TENM3: variants seen among roughly 807,000 people sequenced by gnomAD.
TENM3 encodes the protein teneurin-3.
A neutral mutation model predicts 255.1 loss-of-function variants in TENM3; 63 were observed. The observed-to-expected ratio is 0.25, with a 90% confidence interval of 0.20 to 0.30. The LOEUF (loss-of-function observed/expected upper bound fraction) is 0.30, where lower values mean the gene tolerates loss of function less well. Among genes scored for constraint, TENM3 ranks in the 10% least tolerant of loss-of-function variants. The pLI is 1.00. For missense variants in TENM3, 2,929 were observed against 3,461.1 expected, an observed-to-expected ratio of 0.85 and a Z score of 3.86; for synonymous variants, 1,306 against 1,322.3, an observed-to-expected ratio of 0.99 and a Z score of 0.27.
At chr4:181,495,008 C>G in the TENM3 span, among the ~76,000 whole-genome samples, 1 of 152,046 alleles carries the variant, frequency 6.6e-6, no homozygotes, top group African/African-American at 2.4e-5. Flanking sequence ...AATACTATAC[C>G]CATATTTATC....
At chr4:182,272,241 C>T (rs1266470880) in intron 1 of TENM3, among the ~76,000 whole-genome samples, 1 of 152,138 alleles carries the variant, frequency 6.6e-6, no homozygotes, top group Non-Finnish European at 1.5e-5. Context: ...AATCTCAATC[C>T]TCCACACTGT....
the TENM3 span, among the ~76,000 whole-genome samples, chr4:182,104,088 G>A: frequency 6.6e-6 from 1 of 152,252 alleles, no homozygotes; most frequent in East Asian, 1.9e-4. Context: ...CCAGTGTGGT[G>A]GTGTAATATA....
At chr4:182,284,102 A>G (rs1486394687) in intron 1 of TENM3, among the ~76,000 whole-genome samples, 2 of 152,192 alleles carry the variant, frequency 1.3e-5, no homozygotes, top group Non-Finnish European at 2.9e-5. Flanking sequence ...TTTATAAGAC[A>G]TGAGAGAGTT....
At chr4:182,072,750 TTGA>T in the TENM3 span, among the ~76,000 whole-genome samples, 1 of 152,194 alleles carries the variant, frequency 6.6e-6, no homozygotes, top group Admixed American at 6.5e-5. Flanking sequence ...GCCTGGGAAC[TTGA>T]TGAAAGACTT....
the TENM3 span, among the ~76,000 whole-genome samples, chr4:181,877,309 A>G: frequency 6.6e-6 from 1 of 152,190 alleles, no homozygotes; most frequent in Non-Finnish European, 1.5e-5. Flanking sequence ...TTCAAATGCA[A>G]TATTTGTTTT....
chr4:182,594,502 G>A (rs1450120634), intron 3 of TENM3, among the ~76,000 whole-genome samples: 1 of 152,198 alleles, frequency 6.6e-6, no homozygotes, highest in Non-Finnish European at 1.5e-5. Flanking sequence ...TTCAGCCTGG[G>A]CAACACAGCA....
the TENM3 span, among the ~76,000 whole-genome samples, chr4:181,566,339 G>T: frequency 6.6e-6 from 1 of 152,098 alleles, no homozygotes; most frequent in Non-Finnish European, 1.5e-5. Context: ...AGAAATTTTG[G>T]GAAAGGGAAC....
the TENM3 span, among the ~76,000 whole-genome samples, chr4:181,466,566 G>A: frequency 6.6e-6 from 1 of 152,014 alleles, no homozygotes; most frequent in African/African-American, 2.4e-5. Flanking sequence ...GAAACTCCCT[G>A]GAAGGTAGAA....
chr4:182,648,712 C>T (rs1337879225), intron 5 of TENM3, among the ~76,000 whole-genome samples: 1 of 152,184 alleles, frequency 6.6e-6, no homozygotes, highest in African/African-American at 2.4e-5. Context: ...AGGGACTATG[C>T]CAGCCACTAC....
the TENM3 span, among the ~76,000 whole-genome samples, chr4:181,910,932 C>T: frequency 6.6e-6 from 1 of 152,052 alleles, no homozygotes; most frequent in Non-Finnish European, 1.5e-5. Context: ...TAGCTTTTTC[C>T]AGTTGTTTGC....
intron 1 of TENM3, among the ~76,000 whole-genome samples, chr4:182,268,589 T>C (rs771367731): frequency 6.6e-6 from 1 of 152,066 alleles, no homozygotes; most frequent in South Asian, 2.1e-4. Flanking sequence ...CAGAATGAGA[T>C]AGGAGCTCAG....
intron 3 of TENM3, among the ~76,000 whole-genome samples, chr4:182,421,203 C>T (rs1770810448): frequency 6.6e-6 from 1 of 152,160 alleles, no homozygotes; most frequent in Admixed American, 6.5e-5. Context: ...TCTTCATCTT[C>T]ATCTTCACCC....
the TENM3 span, among the ~76,000 whole-genome samples, chr4:182,087,240 G>T: frequency 6.6e-6 from 1 of 152,092 alleles, no homozygotes; most frequent in South Asian, 2.1e-4. Flanking sequence ...TTAAAAGAAG[G>T]GTTCATTTTA....
the TENM3 span, among the ~76,000 whole-genome samples, chr4:181,964,526 T>A: frequency 6.6e-6 from 1 of 151,620 alleles, no homozygotes; most frequent in Non-Finnish European, 1.5e-5. Flanking sequence ...AACCCTGCCA[T>A]CCCTCCTCAA....
At chr4:181,738,635 G>A in the TENM3 span, among the ~76,000 whole-genome samples, 8 of 151,710 alleles carry the variant, frequency 5.3e-5, no homozygotes, top group Non-Finnish European at 1.0e-4. Flanking sequence ...TCGAGTCCCT[G>A]TATTTTTAGA....
At chr4:182,657,945 C>T (rs1032978809) in intron 6 of TENM3, among the ~76,000 whole-genome samples, 2 of 152,228 alleles carry the variant, frequency 1.3e-5, no homozygotes, top group African/African-American at 4.8e-5. Context: ...CGTGAGCCAC[C>T]TCGCCCGGTG....
the TENM3 span, among the ~76,000 whole-genome samples, chr4:182,004,367 T>C: frequency 6.6e-6 from 1 of 152,284 alleles, no homozygotes; most frequent in African/African-American, 2.4e-5. Context: ...GGCTTCCAGC[T>C]TCATCCATGT....
At chr4:182,509,275 T>A (rs1173556473) in intron 3 of TENM3, among the ~76,000 whole-genome samples, 1 of 152,206 alleles carries the variant, frequency 6.6e-6, no homozygotes, top group Admixed American at 6.5e-5. Context: ...TCCATTTCAG[T>A]GGGGCCACCT....
At chr4:181,732,795 G>A in the TENM3 span, among the ~76,000 whole-genome samples, 2 of 152,032 alleles carry the variant, frequency 1.3e-5, no homozygotes, top group African/African-American at 4.8e-5. Flanking sequence ...GGGGATGAGT[G>A]GAGTGATTAA....
Sources: gnomAD v4.1 joint callset for allele counts (sites outside exome capture counted in the v4.1 genomes callset) on GRCh38, gnomAD v4.1.1 for gene constraint, MANE v1.5 for transcripts, NCBI Gene and HGNC (gene_info 2026-07-23, HGNC 2026-07-21) for gene names.